Variants in CACNA1I observed in about 807,000 individuals in gnomAD.
The protein encoded by CACNA1I is voltage-dependent T-type calcium channel subunit alpha-1I.
A neutral mutation model predicts 201.6 loss-of-function variants in CACNA1I; 74 were observed. That is an observed-to-expected ratio of 0.37 (90% CI 0.30 to 0.45). The LOEUF is 0.45. CACNA1I is among the 20% of genes least tolerant of loss of function. CACNA1I has a pLI of 1.00. For missense variants in CACNA1I, 2,346 were observed against 3,138.1 expected (o/e 0.75, Z 6.03); for synonymous variants, 1,431 against 1,345.2 (o/e 1.06, Z -1.40).
intron 1 of CACNA1I, among the ~76,000 whole-genome samples, chr22:39,592,163 C>T (rs905469567): frequency 6.6e-6 from 1 of 152,188 alleles, no homozygotes; most frequent in African/African-American, 2.4e-5. Context: ...GGCCTGTGTG[C>T]TTGGGACGGC....
intron 29 of CACNA1I, among the ~76,000 whole-genome samples, chr22:39,674,777 G>A (rs1460126226): frequency 6.6e-6 from 1 of 152,032 alleles, no homozygotes; most frequent in Non-Finnish European, 1.5e-5. Flanking sequence ...GAGTCATCAG[G>A]AAGTTTAGGT....
intron 7 of CACNA1I, among the ~76,000 whole-genome samples, chr22:39,646,224 C>T (rs117988559): frequency 6.6e-6 from 1 of 152,048 alleles, no homozygotes; most frequent in South Asian, 2.1e-4. Context: ...CCTCCACCTC[C>T]CCTGCCCTTT....
At chr22:39,586,885 G>T (rs1932759670) in intron 1 of CACNA1I, among the ~76,000 whole-genome samples, 1 of 152,174 alleles carries the variant, frequency 6.6e-6, no homozygotes, top group African/African-American at 2.4e-5. Flanking sequence ...GGAGGCATCT[G>T]CAGCCCCTGC....
At position 39,679,121 on chromosome 22, in the gene CACNA1I, C is replaced by T; in HGVS notation, c.5070C>T (p.Asp1690=). The change falls in exon 32 of 37, where the codon GAC becomes GAT. Residue 1690 remains aspartate (D), a synonymous_variant. Transcript: ENST00000402142. Reference sequence around the variant, plus strand: ...CTGCCACGCAGGACACGCTGCGGGACTGCACCCACGACGAGCGCAGCTGCC... The same window carrying T: ...CTGCCACGCAGGACACGCTGCGGGATTGCACCCACGACGAGCGCAGCTGCC... The part of the protein sequence containing the change: ...WNGIMKDTLR[D]CTHDERSCLS... 6.3e-7 allele frequency: 1 copy of T among 1,593,658 alleles called. No homozygotes were observed. Among genetic ancestry groups the T allele is most frequent in the Non-Finnish European group, 8.5e-7 (1 of 1,171,064 alleles).
chr22:39,646,921 G>T, intron 8 of CACNA1I, 40 bp downstream of exon 8: 2 of 1,452,272 alleles, frequency 1.4e-6, no homozygotes, highest in Non-Finnish European at 1.8e-6. Flanking sequence ...CAGGCACTTC[G>T]TGCCAAGTGT....
Position 39,658,138 on chromosome 22 carries a change from C to G in CACNA1I, c.1993-14C>G. On this transcript the variant is annotated splice_polypyrimidine_tract_variant and intron_variant, in intron 10 of 36. Coordinates refer to ENST00000402142, the MANE Select transcript of CACNA1I (RefSeq NM_021096.4). ...CCTGACCGGGTCTCCATTCCCCACC[C>G]CAATGCCCCACAGCCGGAGGAGCTG... The G allele has an allele frequency of 6.2e-7, 1 of 1,613,314 alleles. No individual in the cohort carries two copies. The highest frequency in any genetic ancestry group is 8.5e-7 in the Non-Finnish European group (1 of 1,179,532).
rs776790934 is a variant in CACNA1I at position 39,684,413 on chromosome 22, G to A, written c.5942G>A (p.Gly1981Asp). 14 of 1,613,654 alleles carry A rather than the reference G, an allele frequency of 8.7e-6. No homozygotes were observed. In the South Asian group the frequency reaches 1.1e-4, roughly 13 times the overall value. The change falls in exon 36 of 37, where the codon GGC becomes GAC. Residue 1981 changes from glycine (G) to aspartate (D), a missense_variant. Transcript: ENST00000402142. This position sits in a 1 kb window ranked among gnomAD's most constrained non-coding sequence, Gnocchi z 4.6. Reference protein sequence around the residue: ...ASQKGPEKGTGTGTLPKIALQ... With the variant: ...ASQKGPEKGTDTGTLPKIALQ... ...CAGAAAGGCCCAGAAAAGGGCACTG[G>A]CACTGGAACCCTCCCCAAGATTGCG...
intron 4 of CACNA1I, among the ~76,000 whole-genome samples, chr22:39,633,445 G>A (rs1173190393): frequency 1.3e-5 from 2 of 152,222 alleles, no homozygotes; most frequent in East Asian, 1.9e-4. Context: ...CTAGGTCAGA[G>A]GTGCTGAGAT....
In CACNA1I at chr22:39,664,947, G is replaced by C. The variant is rs530761353; in HGVS notation, c.3851+24G>C. 5.6e-6 allele frequency: 9 copies of C among 1,605,488 alleles called. No individual in the cohort carries two copies. In the East Asian group the frequency reaches 2.0e-4, roughly 36 times the overall value. On this transcript the variant is annotated intron_variant, in intron 21 of 36. Transcript: ENST00000402142. ...CGGTGAGGACCCCTCCTGGGCGGAT[G>C]GGGGAAAGTGTCATGCACTGTACCG...
chr22:39,616,525 G>A (rs994180637), intron 3 of CACNA1I, among the ~76,000 whole-genome samples: 1 of 152,112 alleles, frequency 6.6e-6, no homozygotes, highest in Non-Finnish European at 1.5e-5. Flanking sequence ...AGCACTTTGG[G>A]AGGCCAAAGT....
rs755742982 is a variant in CACNA1I at position 39,680,971 on chromosome 22, C to T, written c.5583C>T (p.Asp1861=). 1.2e-6 allele frequency: 2 copies of T among 1,612,042 alleles called. No homozygotes were observed. The highest frequency in any genetic ancestry group is 1.7e-6 in the Non-Finnish European group (2 of 1,179,594). Residue 1861 remains aspartate, a synonymous_variant, in exon 34 of 37, where the codon GAC becomes GAT. Coordinates refer to ENST00000402142, the MANE Select transcript of CACNA1I (RefSeq NM_021096.4). ...CGGAGGCCTTCTCCCTGAACTCAGA[C>T]AGGTCCTCGTCCATCCTGCTGGGTG... The part of the protein sequence containing the change: ...AETEAFSLNS[D]RSSSILLGDD...
intron 1 of CACNA1I, 193 bp downstream of exon 1, chr22:39,571,181 T>A (rs1420660497): frequency 1.6e-6 from 1 of 609,756 alleles, no homozygotes; most frequent in Non-Finnish European, 2.9e-6. Context: ...GGACCTGGTG[T>A]TCTGCTGATG....
chr22:39,665,870 C>T lies in CACNA1I; in HGVS notation c.3979-11C>T, dbSNP rs751605570. The T allele has an allele frequency of 1.9e-6, 3 of 1,613,678 alleles. No individual in the cohort carries two copies. The highest frequency in any genetic ancestry group is 2.7e-5 in the African/African-American group (2 of 74,932). ...ACCTGTGAGAGCACCAACCTCACCC[C>T]CTTTCCCCAGCTCTTCAAGGGCAAG... On this transcript the variant is annotated splice_polypyrimidine_tract_variant and intron_variant, in intron 22 of 36. Transcript: ENST00000402142. The surrounding 1 kb of genome is among the most constrained non-coding windows in gnomAD (Gnocchi z 5.5).
intron 4 of CACNA1I, among the ~76,000 whole-genome samples, chr22:39,623,711 G>T (rs1933818221): frequency 6.8e-6 from 1 of 147,816 alleles, no homozygotes; most frequent in Non-Finnish European, 1.5e-5. Context: ...TGTGTGCTGT[G>T]AGGAGGTGTG....
In CACNA1I at chr22:39,682,623, A is replaced by G; in HGVS notation, c.5792A>G (p.Asn1931Ser). The G allele has an allele frequency of 6.2e-7, 1 of 1,613,164 alleles. No homozygotes were observed. The highest frequency in any genetic ancestry group is 8.5e-7 in the Non-Finnish European group (1 of 1,179,766). ...TGTGAGATGGAGGAGATCCCATTCAACCCTGTCCGGTCCTGGCTGAAACAT... is the reference window on the plus strand; with the variant it reads ...TGTGAGATGGAGGAGATCCCATTCAGCCCTGTCCGGTCCTGGCTGAAACAT... ...FLCEMEEIPF[N>S]PVRSWLKHDS... The change falls in exon 35 of 37, where the codon AAC becomes AGC. Residue 1931 changes from asparagine to serine, a missense_variant. By Grantham distance (46) the Asn-to-Ser change is conservative. Coordinates refer to ENST00000402142, the MANE Select transcript of CACNA1I (RefSeq NM_021096.4).
intron 15 of CACNA1I, 105 bp from the exon 16 acceptor site, chr22:39,661,003 C>A: frequency 1.1e-6 from 1 of 941,380 alleles, no homozygotes; most frequent in Non-Finnish European, 1.7e-6. Flanking sequence ...TAGAAAAGCT[C>A]TCCATTTCTG....
rs1310282436 is a variant in CACNA1I at position 39,686,155 on chromosome 22, C to T, written c.6422C>T (p.Pro2141Leu). The change falls in exon 37 of 37, where the codon CCG becomes CTG. Residue 2141 changes from proline to leucine, a missense_variant. Physicochemically the swap from Pro to Leu is moderately conservative, Grantham distance 98 (BLOSUM62 -3). Transcript: ENST00000402142. ...SLTSLFCPPP[P>L]PPAPGLTPAR... The stretch of plus-strand genomic sequence containing the variant: ...ACCTCCCTCTTCTGCCCGCCGCCCC[C>T]GCCGCCAGCCCCCGGCCTCACGCCC... 21 of 1,280,402 alleles carry T rather than the reference C, an allele frequency of 1.6e-5. 1 individual carries two copies. Among genetic ancestry groups the T allele is most frequent in the East Asian group, 3.3e-5 (1 of 30,330 alleles). 79.3% of individuals were successfully genotyped at this position (1,280,402 alleles called of 1,614,324 possible).
intron 5 of CACNA1I, among the ~76,000 whole-genome samples, chr22:39,635,783 G>C (rs1364316769): frequency 6.6e-6 from 1 of 152,130 alleles, no homozygotes; most frequent in African/African-American, 2.4e-5. Context: ...CTGTCCCACA[G>C]GGCTCTTTCC....
chr22:39,619,440 G>A (rs752301450), intron 4 of CACNA1I, 33 bp downstream of exon 4: 1 of 1,541,188 alleles, frequency 6.5e-7, no homozygotes, highest in South Asian at 1.1e-5. Flanking sequence ...ACACATTCCT[G>A]GCTGATCCAT....
Sources: gnomAD v4.1 joint callset for allele counts (sites outside exome capture counted in the v4.1 genomes callset) on GRCh38, gnomAD v4.1.1 for gene constraint, Gnocchi (gnomAD v3.1) non-coding constraint, MANE v1.5 for transcripts, NCBI Gene and HGNC (gene_info 2026-07-23, HGNC 2026-07-21) for gene names.